Variants in RNF150 observed in about 807,000 individuals in gnomAD.
RNF150 encodes the protein ring finger protein 150.
In RNF150, 24 loss-of-function variants were observed where a neutral mutation model predicts 39.3. The observed-to-expected ratio is 0.61, with a 90% CI of 0.44 to 0.86. The LOEUF is 0.86. Among genes scored for constraint, RNF150 ranks in the 40% least tolerant of loss-of-function variants. The probability of loss-of-function intolerance (pLI) is 0.00; values close to 1 mark genes in which losing one functional copy is unlikely to be tolerated. For synonymous variants in RNF150, 255 were observed against 227.3 expected (o/e 1.12, Z -1.10); for missense variants, 502 against 587.8 (o/e 0.85, Z 1.51).
chr4:141,184,072 G>A (rs887780604), intron 1 of RNF150, among the ~76,000 whole-genome samples: 1 of 152,140 alleles, frequency 6.6e-6, no homozygotes, highest in Non-Finnish European at 1.5e-5. Context: ...AGGTCCTTAA[G>A]GAATTGCTAC....
chr4:141,176,995 T>A (rs1043368105), intron 1 of RNF150, among the ~76,000 whole-genome samples: 1 of 148,054 alleles, frequency 6.8e-6, no homozygotes, highest in East Asian at 2.0e-4. Context: ...GCAGGAGAAT[T>A]GCTTGAGGCC....
intron 1 of RNF150, among the ~76,000 whole-genome samples, chr4:141,142,120 C>G (rs1659096631): frequency 6.6e-6 from 1 of 151,970 alleles, no homozygotes; most frequent in African/African-American, 2.4e-5. Context: ...CATGCCTTCC[C>G]CACACTCTTT....
chr4:140,981,707 A>C (rs1733865243), intron 1 of RNF150, among the ~76,000 whole-genome samples: 2 of 152,170 alleles, frequency 1.3e-5, no homozygotes, highest in African/African-American at 4.8e-5. Context: ...TTTGGTCTCC[A>C]CCTGTGATGC....
intron 6 of RNF150, among the ~76,000 whole-genome samples, chr4:140,907,406 T>C (rs1294935443): frequency 6.6e-6 from 1 of 152,186 alleles, no homozygotes; most frequent in Non-Finnish European, 1.5e-5. Context: ...CTGTAAATGT[T>C]TTTCATTTTT....
rs1369870941 is a variant in RNF150 at position 140,926,074 on chromosome 4, C to T, written c.891-1G>A. 1 of 1,607,150 alleles carries T rather than the reference C, an allele frequency of 6.2e-7. No individual in the cohort carries two copies. Among genetic ancestry groups the T allele is most frequent in the Non-Finnish European group, 8.5e-7 (1 of 1,173,642 alleles). On this transcript the variant is annotated splice_acceptor_variant, in intron 4 of 6. Transcript: ENST00000515673. LOFTEE classifies it high-confidence loss of function. ...AACACAGGACTTGTGGAAAAGATGC[C>T]TGCAATGAGAACCATACATCTTAGA...
chr4:141,190,080 G>A (rs2111200799), intron 1 of RNF150, among the ~76,000 whole-genome samples: 1 of 152,242 alleles, frequency 6.6e-6, no homozygotes, highest in South Asian at 2.1e-4. Flanking sequence ...GGCTAAGGGA[G>A]GTAGTTCACT....
At chr4:141,121,454 C>T (rs911829668) in intron 1 of RNF150, among the ~76,000 whole-genome samples, 1 of 152,180 alleles carries the variant, frequency 6.6e-6, no homozygotes, top group African/African-American at 2.4e-5. Flanking sequence ...GTACTTCCTA[C>T]TTGGTAAAAA....
At chr4:141,162,416 C>T (rs543620816) in intron 1 of RNF150, among the ~76,000 whole-genome samples, 3 of 152,158 alleles carry the variant, frequency 2.0e-5, no homozygotes, top group South Asian at 4.2e-4. Context: ...TTTGATTTTG[C>T]AGGTTCATAG....
intron 1 of RNF150, among the ~76,000 whole-genome samples, chr4:141,000,647 T>C (rs535174015): frequency 6.6e-6 from 1 of 151,668 alleles, no homozygotes; most frequent in African/African-American, 2.4e-5. Context: ...ACTGCCTACA[T>C]TGATTTAGAA....
chr4:141,045,654 C>T (rs1736547986), intron 1 of RNF150, among the ~76,000 whole-genome samples: 1 of 152,060 alleles, frequency 6.6e-6, no homozygotes, highest in Non-Finnish European at 1.5e-5. Flanking sequence ...AGCAATTCTC[C>T]TTTCTTGGCC....
At chr4:141,106,208 AAAT>A (rs1739190689) in intron 1 of RNF150, among the ~76,000 whole-genome samples, 1 of 152,174 alleles carries the variant, frequency 6.6e-6, no homozygotes, top group Admixed American at 6.5e-5. Flanking sequence ...TTGTTCACAC[AAAT>A]AATATCACAT....
chr4:141,059,496 G>A (rs1345142734), intron 1 of RNF150, among the ~76,000 whole-genome samples: 14 of 151,936 alleles, frequency 9.2e-5, no homozygotes, highest in Admixed American at 9.2e-4. Flanking sequence ...AAGTTTGATG[G>A]TTTTGCTCCA....
chr4:140,873,596 C>T (rs1316779154), intron 6 of RNF150, among the ~76,000 whole-genome samples: 2 of 152,084 alleles, frequency 1.3e-5, no homozygotes, highest in Non-Finnish European at 2.9e-5. Flanking sequence ...AAGACTGATC[C>T]CAAGTCATCT....
At chr4:140,873,210 C>A (rs1294398289) in intron 6 of RNF150, among the ~76,000 whole-genome samples, 1 of 152,128 alleles carries the variant, frequency 6.6e-6, no homozygotes, top group Non-Finnish European at 1.5e-5. Context: ...TACGGTAATA[C>A]CTGTCTGATT....
intron 1 of RNF150, among the ~76,000 whole-genome samples, chr4:141,058,308 T>C (rs180787481): frequency 1.3e-4 from 20 of 151,008 alleles, no homozygotes; most frequent in Admixed American, 6.6e-4. Flanking sequence ...GTGGGGAGGG[T>C]GAAGAAGAGG....
At chr4:141,116,812 T>TA (rs1739563014) in intron 1 of RNF150, among the ~76,000 whole-genome samples, 1 of 152,052 alleles carries the variant, frequency 6.6e-6, no homozygotes, top group Non-Finnish European at 1.5e-5. Flanking sequence ...ATGCAGCCAT[T>TA]AAAAAATGAT....
At chr4:140,907,560 AAGAAT>A (rs576970116) in intron 6 of RNF150, among the ~76,000 whole-genome samples, 33 of 152,250 alleles carry the variant, frequency 2.2e-4, no homozygotes, top group Non-Finnish European at 3.8e-4. Context: ...CCAGGAAAGA[AAGAAT>A]AGAGGTTGGA....
At chr4:141,127,036 T>C in intron 1 of RNF150, among the ~76,000 whole-genome samples, 1 of 152,146 alleles carries the variant, frequency 6.6e-6, no homozygotes, top group East Asian at 1.9e-4. Context: ...ATATCTATGA[T>C]TAAGTAATCA....
chr4:141,026,721 G>A (rs1735711259), intron 1 of RNF150, among the ~76,000 whole-genome samples: 1 of 152,278 alleles, frequency 6.6e-6, no homozygotes, highest in South Asian at 2.1e-4. Context: ...CAACATACCT[G>A]TTAATGCCTT....
Sources: gnomAD v4.1 joint callset for allele counts (sites outside exome capture counted in the v4.1 genomes callset) on GRCh38, gnomAD v4.1.1 for gene constraint, MANE v1.5 for transcripts, NCBI Gene and HGNC (gene_info 2026-07-23, HGNC 2026-07-21) for gene names.